Variants in ETS1 observed in about 807,000 individuals in gnomAD.
ETS1 encodes the protein protein C-ets-1.
Under a neutral mutation model 58.6 loss-of-function variants are expected in ETS1, and 15 were observed. The observed-to-expected ratio is 0.26, with a 90% CI of 0.17 to 0.39. ETS1 has a LOEUF of 0.39. Ranked by LOEUF, ETS1 falls within the 10% of genes least tolerant of loss-of-function variation. ETS1 has a pLI of 1.00. For missense variants in ETS1, 417 were observed against 610.5 expected (o/e 0.68, Z 3.34); for synonymous variants, 214 against 218.2 (o/e 0.98, Z 0.17).
chr11:128,574,258 A>G (rs1004377209), intron 1 of ETS1, among the ~76,000 whole-genome samples: 1 of 152,226 alleles, frequency 6.6e-6, no homozygotes, highest in African/African-American at 2.4e-5. Context: ...AACCTCCTGA[A>G]GTCATAACTT....
intron 2 of ETS1, among the ~76,000 whole-genome samples, chr11:128,560,305 G>T (rs1344662006): frequency 2.6e-5 from 4 of 152,144 alleles, no homozygotes; most frequent in African/African-American, 9.7e-5. Context: ...TAGAGTCGGG[G>T]TTTTATCCTG....
At chr11:128,474,591 G>A (rs987049726) in intron 8 of ETS1, among the ~76,000 whole-genome samples, 6 of 152,122 alleles carry the variant, frequency 3.9e-5, no homozygotes, top group Non-Finnish European at 8.8e-5. Flanking sequence ...GTGCTCCAAA[G>A]TATTTTCCCG....
intron 3 of ETS1, among the ~76,000 whole-genome samples, chr11:128,502,923 C>T (rs1372877093): frequency 6.6e-6 from 1 of 152,178 alleles, no homozygotes. Context: ...CACCGACAGC[C>T]CTTAGCATTA....
intron 3 of ETS1, among the ~76,000 whole-genome samples, chr11:128,492,283 T>C (rs1473093793): frequency 6.6e-6 from 1 of 152,218 alleles, no homozygotes; most frequent in Non-Finnish European, 1.5e-5. Flanking sequence ...AAGCATAGGA[T>C]AAACCTCTGA....
intron 2 of ETS1, chr11:128,572,218 A>C (rs1212407621): frequency 6.6e-6 from 1 of 151,758 alleles, no homozygotes; most frequent in African/African-American, 2.4e-5. Flanking sequence ...GGTTGGAGTG[A>C]GCCAAGATTG....
chr11:128,533,402 G>A (rs931280381), intron 3 of ETS1, among the ~76,000 whole-genome samples: 1 of 152,108 alleles, frequency 6.6e-6, no homozygotes, highest in African/African-American at 2.4e-5. Context: ...CCACCCTTTA[G>A]GTTAAACTCC....
intron 3 of ETS1, among the ~76,000 whole-genome samples, chr11:128,500,521 C>T (rs890719334): frequency 1.3e-5 from 2 of 151,926 alleles, no homozygotes; most frequent in African/African-American, 4.8e-5. Flanking sequence ...CCACATGTCT[C>T]GGTGCTACAG....
chr11:128,575,304 GGTTT>G (rs1323782275), intron 1 of ETS1, among the ~76,000 whole-genome samples: 2 of 126,468 alleles, frequency 1.6e-5, no homozygotes, highest in African/African-American at 6.2e-5. Flanking sequence ...TATTGAATGT[GGTTT>G]CTCTCTCTCT....
rs568719192 is a variant in ETS1, at chr11:128,469,701, A to C, written c.1124-6074T>G. Among the ~76,000 whole-genome samples the C allele has an allele frequency of 2.6e-5, 4 of 152,336 alleles. 1 individual carries two copies. The highest frequency in any genetic ancestry group is 9.6e-5 in the African/African-American group (4 of 41,576). On this transcript the variant is annotated intron_variant, in intron 8 of 9. Transcript: ENST00000392668. ...CTTGTTGCCTGAGGATGAATAACTC[A>C]AGAAACTGTATTGCTGGACTGACTG...
At chr11:128,584,110 G>A (rs888700920) in intron 1 of ETS1, among the ~76,000 whole-genome samples, 2 of 152,318 alleles carry the variant, frequency 1.3e-5, no homozygotes, top group East Asian at 3.9e-4. Flanking sequence ...GCTGGGCATG[G>A]AGTAGAAATA....
intron 1 of ETS1, among the ~76,000 whole-genome samples, chr11:128,575,031 C>T (rs547247481): frequency 1.3e-5 from 2 of 152,200 alleles, no homozygotes; most frequent in South Asian, 4.2e-4. Flanking sequence ...CTCTGATTTC[C>T]TCCAAAAAAA....
intron 3 of ETS1, among the ~76,000 whole-genome samples, chr11:128,545,102 T>A (rs1465083413): frequency 6.6e-6 from 1 of 152,174 alleles, no homozygotes; most frequent in African/African-American, 2.4e-5. Flanking sequence ...CCTAACTGAA[T>A]GCCCAACAAA....
intron 3 of ETS1, among the ~76,000 whole-genome samples, chr11:128,507,676 G>A (rs1342952466): frequency 6.6e-6 from 1 of 152,176 alleles, no homozygotes; most frequent in African/African-American, 2.4e-5. Context: ...GGGGACAGGA[G>A]GGACATCTGT....
In ETS1 at chr11:128,571,511, A is replaced by AGCCTGGGCG. The variant is rs1238592327; in HGVS notation, c.69+1550_69+1551insCGCCCAGGC. ...AGAGCAAGACTCCGTCAAAAAAAAAAAAAAAAAAAAAAAAAAAAAAAAAAA... is the reference window on the plus strand; with the variant it reads ...AGAGCAAGACTCCGTCAAAAAAAAAAGCCTGGGCGAAAAAAAAAAAAAAAAAAAAAAAAA... On this transcript the variant is annotated intron_variant, in intron 2 of 9. Coordinates refer to ENST00000392668, the MANE Select transcript of ETS1 (RefSeq NM_001143820.2). Among the ~76,000 whole-genome samples, 3 of 4,492 alleles carry AGCCTGGGCG rather than the reference A, an allele frequency of 6.7e-4. 1 individual carries two copies. Among genetic ancestry groups the AGCCTGGGCG allele is most frequent in the African/African-American group, 5.5e-3 (3 of 546 alleles). 2.9% of individuals were successfully genotyped at this position (4,492 alleles called of 152,430 possible). A position where few individuals can be genotyped will look rare whatever the true frequency, so the allele number is the denominator to read the frequency against.
intron 3 of ETS1, among the ~76,000 whole-genome samples, chr11:128,550,508 G>C (rs950417586): frequency 6.6e-6 from 1 of 152,166 alleles, no homozygotes. Flanking sequence ...TCTCCCTAGC[G>C]GACTGCTTGG....
At chr11:128,557,238 T>G (rs1003238373) in intron 2 of ETS1, among the ~76,000 whole-genome samples, 4 of 152,100 alleles carry the variant, frequency 2.6e-5, no homozygotes, top group African/African-American at 9.7e-5. Context: ...ACTGGAAACA[T>G]GTACATATAG....
intron 3 of ETS1, among the ~76,000 whole-genome samples, chr11:128,522,899 CGT>C (rs1002226597): frequency 2.0e-4 from 31 of 152,196 alleles, no homozygotes; most frequent in African/African-American, 7.0e-4. Flanking sequence ...TGAGTCAGGG[CGT>C]GTGTTTCTGA....
intron 8 of ETS1, among the ~76,000 whole-genome samples, chr11:128,469,972 A>T (rs1862141110): frequency 6.6e-6 from 1 of 152,332 alleles, no homozygotes. Flanking sequence ...ATCAGTGGCT[A>T]ATAACTCAAG....
chr11:128,527,028 C>T (rs964411955), intron 3 of ETS1: 1 of 453,356 alleles, frequency 2.2e-6, no homozygotes, highest in Non-Finnish European at 4.4e-6. Context: ...TTGCATTTCA[C>T]TTTGGCAGGA....
Sources: gnomAD v4.1 joint callset for allele counts (sites outside exome capture counted in the v4.1 genomes callset) on GRCh38, gnomAD v4.1.1 for gene constraint, MANE v1.5 for transcripts, NCBI Gene and HGNC (gene_info 2026-07-23, HGNC 2026-07-21) for gene names.